GABRA5: variants seen among roughly 807,000 people sequenced by gnomAD.
GABRA5 encodes the protein gamma-aminobutyric acid receptor subunit alpha-5.
In GABRA5, 18 loss-of-function variants were observed where a neutral mutation model predicts 47.3. The ratio of observed to expected loss-of-function variants is 0.38; its 90% confidence interval spans 0.26 to 0.56. GABRA5 has a LOEUF of 0.56. GABRA5 is among the 20% of genes least tolerant of loss of function. The pLI is 0.71. For missense variants in GABRA5, 365 were observed against 599.3 expected (o/e 0.61, Z 4.08); for synonymous variants, 237 against 229.3 (o/e 1.03, Z -0.30).
intron 9 of GABRA5, among the ~76,000 whole-genome samples, chr15:26,942,441 A>G (rs1784402807): frequency 6.6e-6 from 1 of 152,040 alleles, no homozygotes; most frequent in Non-Finnish European, 1.5e-5. Flanking sequence ...CGCTTCTGTT[A>G]CTCTCTGGCT....
chr15:26,877,267 A>G (rs991554023), intron 3 of GABRA5, among the ~76,000 whole-genome samples: 1 of 152,212 alleles, frequency 6.6e-6, no homozygotes, highest in Non-Finnish European at 1.5e-5. Context: ...GCCAGTGTCC[A>G]TCTTGGTTTT....
chr15:26,893,391 ATG>A (rs1893078609), intron 6 of GABRA5, among the ~76,000 whole-genome samples: 1 of 1,594 alleles, frequency 6.3e-4, no homozygotes, highest in Non-Finnish European at 1.3e-3. Context: ...TATATGGAGT[ATG>A]TGTATGGTGT....
intron 7 of GABRA5, among the ~76,000 whole-genome samples, chr15:26,936,911 C>T (rs1316193234): frequency 6.6e-6 from 1 of 152,222 alleles, no homozygotes; most frequent in African/African-American, 2.4e-5. Context: ...CTCATGTTCT[C>T]ACCTCCTGCA....
intron 6 of GABRA5, among the ~76,000 whole-genome samples, chr15:26,898,967 C>A (rs781745466): frequency 5.9e-5 from 9 of 152,026 alleles, no homozygotes; most frequent in Non-Finnish European, 1.0e-4. Context: ...AACTCCTGGG[C>A]TCAAGTGATC....
At chr15:26,900,006 A>G (rs2140278579) in intron 6 of GABRA5, among the ~76,000 whole-genome samples, 1 of 152,026 alleles carries the variant, frequency 6.6e-6, no homozygotes, top group South Asian at 2.1e-4. Context: ...GATGTTTTTT[A>G]GCGTACCACT....
At chr15:26,873,192 T>A (rs1892513739) in intron 3 of GABRA5, among the ~76,000 whole-genome samples, 1 of 152,156 alleles carries the variant, frequency 6.6e-6, no homozygotes, top group African/African-American at 2.4e-5. Context: ...GAAACAATAT[T>A]GGCACCAATA....
chr15:26,912,017 C>T (rs931810365), intron 6 of GABRA5, among the ~76,000 whole-genome samples: 1 of 152,204 alleles, frequency 6.6e-6, no homozygotes, highest in Admixed American at 6.5e-5. Flanking sequence ...AGTAGCACAG[C>T]TGGGCTAAGA....
chr15:26,923,568 G>C (rs1217241470), intron 7 of GABRA5, among the ~76,000 whole-genome samples: 1 of 151,828 alleles, frequency 6.6e-6, no homozygotes, highest in African/African-American at 2.4e-5. Context: ...TATTGGTGTA[G>C]GCATATGATA....
chr15:26,893,119 G>A (rs1354243154), intron 6 of GABRA5, among the ~76,000 whole-genome samples: 1 of 149,176 alleles, frequency 6.7e-6, no homozygotes, highest in Non-Finnish European at 1.5e-5. Context: ...TGTCTAGTGC[G>A]TGTGTATGGC....
chr15:26,905,751 C>T (rs1041900721), intron 6 of GABRA5, among the ~76,000 whole-genome samples: 1 of 151,832 alleles, frequency 6.6e-6, no homozygotes, highest in Non-Finnish European at 1.5e-5. Flanking sequence ...CTTTCTTCTA[C>T]CTGAACAATC....
chr15:26,877,520 T>C, intron 3 of GABRA5: 1 of 310,964 alleles, frequency 3.2e-6, no homozygotes, highest in South Asian at 2.6e-5. Flanking sequence ...CAAAGTAATT[T>C]CCAGTCAAAA....
chr15:26,916,603 A>G (rs943701380), intron 7 of GABRA5, among the ~76,000 whole-genome samples: 1 of 152,010 alleles, frequency 6.6e-6, no homozygotes. Flanking sequence ...TTCTATTTCT[A>G]TAAAAACTGC....
At chr15:26,868,384 G>T (rs1466983537) in intron 1 of GABRA5, among the ~76,000 whole-genome samples, 1 of 152,174 alleles carries the variant, frequency 6.6e-6, no homozygotes, top group Non-Finnish European at 1.5e-5. Flanking sequence ...GGGGGATGGG[G>T]GTTGGGGGGG....
intron 6 of GABRA5, among the ~76,000 whole-genome samples, chr15:26,887,656 T>C (rs1892911805): frequency 6.6e-6 from 1 of 152,154 alleles, no homozygotes; most frequent in African/African-American, 2.4e-5. Context: ...CCAGCCCCCA[T>C]GATGCCCTTT....
intron 6 of GABRA5, among the ~76,000 whole-genome samples, chr15:26,897,147 C>T (rs1262174443): frequency 2.6e-5 from 4 of 152,000 alleles, no homozygotes; most frequent in African/African-American, 9.7e-5. Context: ...TTTTAACCAG[C>T]CAAAGCAGCT....
chr15:26,925,860 A>G (rs954137608), intron 7 of GABRA5, among the ~76,000 whole-genome samples: 1 of 152,206 alleles, frequency 6.6e-6, no homozygotes, highest in African/African-American at 2.4e-5. Context: ...TGTGGCAGGC[A>G]AGCCCTGAAA....
Position 26,933,127 on chromosome 15 carries a change from T to C in GABRA5, c.581-4058T>C, listed in dbSNP as rs527509360. On this transcript the variant is annotated intron_variant, in intron 7 of 10. Transcript: ENST00000335625. ...AAAAAAAAAAAAAAGTAGCAGGCAG[T>C]GTGAGTGATGTTTGTTGAGCAGACG... Among the ~76,000 whole-genome samples, 3 of 147,456 alleles carry C rather than the reference T, an allele frequency of 2.0e-5. No individual in the cohort carries two copies. In the East Asian group the frequency reaches 5.9e-4, roughly 29 times the overall value.
chr15:26,888,597 G>C (rs1892934016), intron 6 of GABRA5, among the ~76,000 whole-genome samples: 1 of 152,152 alleles, frequency 6.6e-6, no homozygotes, highest in South Asian at 2.1e-4. Context: ...ATAGCAGCAG[G>C]TCCATAGTCC....
intron 10 of GABRA5, among the ~76,000 whole-genome samples, chr15:26,945,207 C>T (rs1203841741): frequency 1.3e-5 from 2 of 152,244 alleles, no homozygotes; most frequent in Admixed American, 6.5e-5. Context: ...GAAGGCTCTG[C>T]GTGCTGGAAG....
Sources: allele counts gnomAD v4.1 joint callset (sites outside exome capture counted in the v4.1 genomes callset), GRCh38; gene constraint gnomAD v4.1.1; transcripts MANE v1.5; gene names NCBI Gene and HGNC (gene_info 2026-07-23, HGNC 2026-07-21).